The following NXPE2 variants were observed in gnomAD, a reference collection of about 807,000 sequenced individuals.
The protein encoded by NXPE2 is NXPE family member 2.
A neutral mutation model predicts 34.4 loss-of-function variants in NXPE2; 34 were observed. The observed-to-expected ratio is 0.99, with a 90% CI of 0.75 to 1.31. The LOEUF is 1.31. Ranked by LOEUF, NXPE2 falls within the 40% of genes most tolerant of loss-of-function variation. NXPE2 has a pLI of 0.00. For missense variants in NXPE2, 649 were observed against 672.5 expected (o/e 0.97, Z 0.39); for synonymous variants, 235 against 231.3 (o/e 1.02, Z -0.15).
the NXPE2 span, among the ~76,000 whole-genome samples, chr11:114,503,991 G>A: frequency 6.6e-6 from 1 of 152,196 alleles, no homozygotes; most frequent in Non-Finnish European, 1.5e-5. Flanking sequence ...CATAGCTTCT[G>A]TGCCTGTGGA....
At chr11:114,522,525 G>T in the NXPE2 span, 1 of 1,527,908 alleles carries the variant, frequency 6.5e-7, no homozygotes. Context: ...ACAAATAGAT[G>T]TTTTAAATAG....
chr11:114,724,893 T>G, the NXPE2 span, among the ~76,000 whole-genome samples: 1 of 135,930 alleles, frequency 7.4e-6, no homozygotes, highest in Non-Finnish European at 1.5e-5. Flanking sequence ...AGAAATGGTT[T>G]TTTTTTTTTT....
At chr11:114,517,068 TA>T in the NXPE2 span, among the ~76,000 whole-genome samples, 10 of 152,198 alleles carry the variant, frequency 6.6e-5, no homozygotes, top group Admixed American at 5.2e-4. Flanking sequence ...GCCTACCATA[TA>T]ATAGTTGATG....
intron 2 of NXPE2, among the ~76,000 whole-genome samples, chr11:114,687,977 C>A (rs914868026): frequency 4.6e-5 from 7 of 151,982 alleles, no homozygotes; most frequent in African/African-American, 1.7e-4. Context: ...TTTATCAGGT[C>A]TAGGAGTCTT....
At chr11:114,606,847 G>A in the NXPE2 span, among the ~76,000 whole-genome samples, 1 of 151,982 alleles carries the variant, frequency 6.6e-6, no homozygotes, top group Non-Finnish European at 1.5e-5. Flanking sequence ...GTTGCCTCGT[G>A]GGTAATCACT....
the NXPE2 span, among the ~76,000 whole-genome samples, chr11:114,653,373 G>T: frequency 6.6e-6 from 1 of 152,068 alleles, no homozygotes; most frequent in Non-Finnish European, 1.5e-5. Flanking sequence ...CGGTTTTGTT[G>T]TATAGACAAT....
the NXPE2 span, chr11:114,523,126 G>T: frequency 6.7e-7 from 1 of 1,484,988 alleles, no homozygotes; most frequent in South Asian, 1.1e-5. Context: ...GATTTTATTG[G>T]CAAAACTTAG....
chr11:114,727,615 T>C, the NXPE2 span, among the ~76,000 whole-genome samples: 1 of 152,062 alleles, frequency 6.6e-6, no homozygotes, highest in Non-Finnish European at 1.5e-5. Context: ...TATTAAAAAT[T>C]GGCAATCCCC....
At chr11:114,654,187 T>A in the NXPE2 span, among the ~76,000 whole-genome samples, 1 of 152,048 alleles carries the variant, frequency 6.6e-6, no homozygotes, top group Non-Finnish European at 1.5e-5. Flanking sequence ...TCACTGAGCA[T>A]TTCCAGAGTG....
At chr11:114,798,740 T>G in the NXPE2 span, among the ~76,000 whole-genome samples, 1 of 152,254 alleles carries the variant, frequency 6.6e-6, no homozygotes, top group Non-Finnish European at 1.5e-5. Context: ...CATATCTCTT[T>G]CATGGCTCTC....
intron 2 of NXPE2, among the ~76,000 whole-genome samples, chr11:114,694,778 C>A (rs961141714): frequency 1.3e-5 from 2 of 151,990 alleles, no homozygotes; most frequent in Non-Finnish European, 2.9e-5. Flanking sequence ...TCTAGCATTT[C>A]CTTTTGACTG....
chr11:114,582,400 C>G, the NXPE2 span: 1 of 1,614,186 alleles, frequency 6.2e-7, no homozygotes, highest in Non-Finnish European at 8.5e-7. Flanking sequence ...CAGTAGAAGC[C>G]TTCTTGGTCT....
the NXPE2 span, among the ~76,000 whole-genome samples, chr11:114,578,931 T>C: frequency 6.6e-6 from 1 of 152,232 alleles, no homozygotes; most frequent in East Asian, 1.9e-4. Flanking sequence ...CCTTGCAATG[T>C]GTTAAACACT....
chr11:114,791,984 G>T, the NXPE2 span, among the ~76,000 whole-genome samples: 4 of 152,150 alleles, frequency 2.6e-5, no homozygotes, highest in African/African-American at 9.7e-5. Context: ...CATGAACCCG[G>T]GAGGCGGAGC....
At chr11:114,492,148 T>A in the NXPE2 span, among the ~76,000 whole-genome samples, 14 of 152,182 alleles carry the variant, frequency 9.2e-5, no homozygotes, top group African/African-American at 3.4e-4. Flanking sequence ...ACCCTAAAAT[T>A]TAAAGTATAA....
chr11:114,534,932 G>A, the NXPE2 span, among the ~76,000 whole-genome samples: 152 of 152,140 alleles, frequency 1.0e-3, no homozygotes, highest in African/African-American at 2.8e-3. Context: ...TACAGAGAAC[G>A]CCACTAAGAT....
At chr11:114,553,576 C>T in the NXPE2 span, 1 of 312,498 alleles carries the variant, frequency 3.2e-6, no homozygotes, top group Non-Finnish European at 4.7e-6. Flanking sequence ...CTATTTTCTA[C>T]TTGGAACCCT....
the NXPE2 span, among the ~76,000 whole-genome samples, chr11:114,560,263 C>CTT: frequency 7.9e-6 from 1 of 127,306 alleles, no homozygotes; most frequent in African/African-American, 3.2e-5. Context: ...ATTGAGAATT[C>CTT]TTTTTTTTTC....
the NXPE2 span, among the ~76,000 whole-genome samples, chr11:114,663,188 A>C: frequency 6.1e-3 from 931 of 152,264 alleles, 8 homozygotes; most frequent in Non-Finnish European, 8.3e-3. Flanking sequence ...CTATGACAGC[A>C]GCCACAGGTT....
Sources: gnomAD v4.1 joint callset for allele counts (sites outside exome capture counted in the v4.1 genomes callset) on GRCh38, gnomAD v4.1.1 for gene constraint, MANE v1.5 for transcripts, NCBI Gene and HGNC (gene_info 2026-07-23, HGNC 2026-07-21) for gene names.